ZFHX4: variants seen among roughly 807,000 people sequenced by gnomAD.
The protein encoded by ZFHX4 is zinc finger homeobox protein 4.
A neutral mutation model predicts 267.6 loss-of-function variants in ZFHX4; 56 were observed. The ratio of observed to expected loss-of-function variants is 0.21; its 90% CI spans 0.17 to 0.26. The LOEUF (loss-of-function observed/expected upper bound fraction) is 0.26. Ranked by LOEUF, ZFHX4 falls within the 10% of genes least tolerant of loss-of-function variation. The pLI is 1.00. For missense variants in ZFHX4, 4,332 were observed against 4,420.0 expected, an observed-to-expected ratio of 0.98 and a Z score of 0.56; for synonymous variants, 1,778 against 1,665.6, an observed-to-expected ratio of 1.07 and a Z score of -1.64.
At chr8:76,774,595 T>G (rs1810356035) in intron 3 of ZFHX4, among the ~76,000 whole-genome samples, 1 of 152,082 alleles carries the variant, frequency 6.6e-6, no homozygotes. Flanking sequence ...ATACAAAATA[T>G]CTACCAAAAA....
At chr8:76,822,967 T>TA (rs1811693182) in intron 4 of ZFHX4, among the ~76,000 whole-genome samples, 1 of 152,184 alleles carries the variant, frequency 6.6e-6, no homozygotes, top group Non-Finnish European at 1.5e-5. Context: ...TAAACCTCTC[T>TA]ACTCAAATTC....
chr8:76,783,296 A>G (rs755862504), intron 4 of ZFHX4, among the ~76,000 whole-genome samples: 1 of 151,976 alleles, frequency 6.6e-6, no homozygotes, highest in African/African-American at 2.4e-5. Context: ...GATGAACAGC[A>G]CTTGACGTGT....
intron 6 of ZFHX4, among the ~76,000 whole-genome samples, chr8:76,844,737 T>C (rs1445256559): frequency 2.6e-5 from 4 of 152,094 alleles, no homozygotes; most frequent in African/African-American, 9.7e-5. Flanking sequence ...TGGGTTTTTC[T>C]GTAGGGATAA....
At chr8:76,816,577 T>C (rs1811511270) in intron 4 of ZFHX4, among the ~76,000 whole-genome samples, 1 of 151,472 alleles carries the variant, frequency 6.6e-6, no homozygotes, top group South Asian at 2.1e-4. Flanking sequence ...TGCCTGTGTG[T>C]TAATTTAAAT....
At chr8:76,727,485 G>A (rs1021051896) in intron 3 of ZFHX4, among the ~76,000 whole-genome samples, 1 of 152,044 alleles carries the variant, frequency 6.6e-6, no homozygotes, top group Non-Finnish European at 1.5e-5. Flanking sequence ...CCTTTCCTTA[G>A]GTAAGTGACT....
Position 76,863,880 on chromosome 8 carries a change from A to G in ZFHX4, c.10166A>G (p.Asp3389Gly). Residue 3389 changes from aspartate (D) to glycine (G), a missense_variant, in exon 11 of 11, where the codon GAC becomes GGC. Coordinates refer to ENST00000651372, the MANE Select transcript of ZFHX4 (RefSeq NM_024721.5). ...CCCCAGTTAGAATCCAAAAGTGCAG[A>G]CTTTTCAGACACTTACGTTGTTCCA... is the stretch of plus-strand genomic sequence containing the variant. Reference protein sequence around the residue: ...EEPQLESKSADFSDTYVVPFV... With the variant: ...EEPQLESKSAGFSDTYVVPFV... 1 of 1,564,600 alleles carries G rather than the reference A, an allele frequency of 6.4e-7. No homozygotes were observed. Among genetic ancestry groups the G allele is most frequent in the South Asian group, 1.2e-5 (1 of 85,266 alleles).
intron 4 of ZFHX4, among the ~76,000 whole-genome samples, chr8:76,781,496 T>C (rs1424369292): frequency 6.6e-6 from 1 of 152,084 alleles, no homozygotes; most frequent in African/African-American, 2.4e-5. Flanking sequence ...ATATTTAGAA[T>C]GAGTCAAGAA....
rs1266970450 is a variant in ZFHX4, at chr8:76,853,425, C to T, written c.6504C>T (p.Leu2168=). The T allele has an allele frequency of 1.2e-6, 2 of 1,613,842 alleles. No homozygotes were observed. Among genetic ancestry groups the T allele is most frequent in the South Asian group, 2.2e-5 (2 of 91,070 alleles). ...QIQEMAEKSG[L]SQKVIKHWFR... The stretch of plus-strand genomic sequence containing the variant: ...AGGAAATGGCAGAGAAATCTGGCCT[C>T]TCCCAAAAAGTTATCAAACACTGGT... Residue 2168 remains leucine, a synonymous_variant, in exon 10 of 11, where the codon CTC becomes CTT. Transcript: ENST00000651372.
chr8:76,693,719 A>G (rs1807882565), intron 1 of ZFHX4, among the ~76,000 whole-genome samples: 1 of 152,212 alleles, frequency 6.6e-6, no homozygotes, highest in African/African-American at 2.4e-5. Context: ...TAGAGATAGG[A>G]CCACAATTGC....
In ZFHX4 at chr8:76,681,376, A is replaced by G. The variant is rs926540359; in HGVS notation, c.-291A>G. ...TCCTTTTCCCAACCCCTTCACAACC[A>G]AACAGCGAGACCGCGGTCGGCACAT... On this transcript the variant is annotated 5_prime_UTR_variant, in exon 1 of 11. Coordinates refer to ENST00000651372, the MANE Select transcript of ZFHX4 (RefSeq NM_024721.5). 39 of 398,634 alleles carry G rather than the reference A, an allele frequency of 9.8e-5. No individual in the cohort carries two copies. The highest frequency in any genetic ancestry group is 1.5e-4 in the Non-Finnish European group (33 of 226,028). The allele number at this position is 398,634 out of a possible 1,614,324, so 24.7% of individuals were successfully genotyped here.
chr8:76,800,638 T>C (rs1010642516), intron 4 of ZFHX4, among the ~76,000 whole-genome samples: 3 of 152,220 alleles, frequency 2.0e-5, no homozygotes, highest in Non-Finnish European at 2.9e-5. Flanking sequence ...AATTGCTTCT[T>C]GTGCTCCTTA....
At chr8:76,726,139 T>C (rs977878472) in intron 3 of ZFHX4, among the ~76,000 whole-genome samples, 4 of 152,106 alleles carry the variant, frequency 2.6e-5, no homozygotes, top group African/African-American at 9.7e-5. Flanking sequence ...TTAGTCCTAA[T>C]ACATTTTTAA....
chr8:76,859,793 T>A (rs1289230517), intron 10 of ZFHX4, among the ~76,000 whole-genome samples: 1 of 152,012 alleles, frequency 6.6e-6, no homozygotes, highest in Non-Finnish European at 1.5e-5. Context: ...ATTTCCAACC[T>A]CAAATATAAA....
intron 4 of ZFHX4, among the ~76,000 whole-genome samples, chr8:76,790,161 T>G (rs1810796882): frequency 6.6e-6 from 1 of 152,176 alleles, no homozygotes. Flanking sequence ...AAAGTACACT[T>G]TCCTATATAC....
intron 3 of ZFHX4, among the ~76,000 whole-genome samples, chr8:76,774,045 G>A (rs56159861): frequency 0.28 from 42,522 of 151,998 alleles, 8,146 homozygotes; most frequent in African/African-American, 0.54. Flanking sequence ...AGCTTTCCCT[G>A]GAGCAGACTC....
chr8:76,848,700 T>C (rs1299147146), intron 6 of ZFHX4, among the ~76,000 whole-genome samples: 1 of 152,168 alleles, frequency 6.6e-6, no homozygotes, highest in Non-Finnish European at 1.5e-5. Context: ...TTTAATGTGG[T>C]AAAGGCATTC....
At chr8:76,744,203 G>A (rs1054854031) in intron 3 of ZFHX4, among the ~76,000 whole-genome samples, 24 of 151,850 alleles carry the variant, frequency 1.6e-4, no homozygotes, top group Admixed American at 1.4e-3. Context: ...AAAATTAGTC[G>A]GGTGTGGTGG....
At chr8:76,715,308 C>G (rs1808535655) in intron 3 of ZFHX4, among the ~76,000 whole-genome samples, 1 of 151,256 alleles carries the variant, frequency 6.6e-6, no homozygotes, top group South Asian at 2.1e-4. Context: ...CTGGTGAAAC[C>G]CTGACTCTAC....
At position 76,864,604 on chromosome 8, in the gene ZFHX4, TA is replaced by T. The variant is rs949224880; in HGVS notation, c.*46del. 1 of 1,259,232 alleles carries T rather than the reference TA, an allele frequency of 7.9e-7. No homozygotes were observed. Among genetic ancestry groups the T allele is most frequent in the Non-Finnish European group, 1.0e-6 (1 of 978,672 alleles). 78.0% of individuals were successfully genotyped at this position (1,259,232 alleles called of 1,614,324 possible). On this transcript the variant is annotated 3_prime_UTR_variant, in exon 11 of 11. Transcript: ENST00000651372. ...ATCCCGTGCTTAAAAAAATAAAAAA[TA>T]AAAAAATAAAAAAAAAATAAGACTT... is the stretch of plus-strand genomic sequence containing the variant.
Sources: gnomAD v4.1 joint callset for allele counts (sites outside exome capture counted in the v4.1 genomes callset) on GRCh38, gnomAD v4.1.1 for gene constraint, MANE v1.5 for transcripts, NCBI Gene and HGNC (gene_info 2026-07-23, HGNC 2026-07-21) for gene names.